Variants in WBP4 observed in about 807,000 individuals in gnomAD.
WBP4 encodes the protein WW domain binding protein 4.
Under a neutral mutation model 55.4 loss-of-function variants are expected in WBP4, and 37 were observed. The ratio of observed to expected loss-of-function variants is 0.67; its 90% CI spans 0.51 to 0.88. The LOEUF is 0.88. WBP4 is among the 40% of genes least tolerant of loss of function. WBP4 has a pLI of 0.00. For synonymous variants in WBP4, 142 were observed against 140.2 expected, an observed-to-expected ratio of 1.01 and a Z score of -0.09; for missense variants, 398 against 420.8, an observed-to-expected ratio of 0.95 and a Z score of 0.47.
chr13:41,079,541 CAAAAAA>C lies in WBP4; in HGVS notation c.757-1089_757-1084del, dbSNP rs35433682. ...TGGGTGACAGAGCAAGACTCCGTCT[CAAAAAA>C]AAAAAAAAAAAAAAATCAGAAAACA... On this transcript the variant is annotated intron_variant, in intron 8 of 9. Coordinates refer to ENST00000379487, the MANE Select transcript of WBP4 (RefSeq NM_007187.5). 4.9e-5 allele frequency among the ~76,000 whole-genome samples: 5 copies of C among 101,698 alleles called. No individual in the cohort carries two copies. The Admixed American group carries it at 5.5e-4, about 11-fold the overall frequency. The allele number at this position is 101,698 out of a possible 152,430, so 66.7% of individuals were successfully genotyped here. A position where few individuals can be genotyped will look rare whatever the true frequency, so the allele number is the denominator to read the frequency against.
rs558799955 is a variant in WBP4, at chr13:41,080,182, T to C, written c.757-464T>C. ...TGACATAATATATACATGTAAGAAA[T>C]ACGCATTTGTGCCCCCTAAGTTATT... On this transcript the variant is annotated intron_variant, in intron 8 of 9. Transcript: ENST00000379487. 1.5e-3 allele frequency among the ~76,000 whole-genome samples: 229 copies of C among 152,246 alleles called. 3 individuals carry two copies. The highest frequency in any genetic ancestry group is 2.6e-3 in the Non-Finnish European group (179 of 68,006).
chr13:41,083,338 A>T lies in WBP4; in HGVS notation c.*424A>T, dbSNP rs1311346828. On this transcript the variant is annotated 3_prime_UTR_variant, in exon 10 of 10. Transcript: ENST00000379487. ...ACGTGAGAATATTCCCAGCCCAGTGATGATTTGGTTCTGAGGCTGATGTGA... is the reference window on the plus strand; with the variant it reads ...ACGTGAGAATATTCCCAGCCCAGTGTTGATTTGGTTCTGAGGCTGATGTGA... 1.8e-5 allele frequency: 3 copies of T among 164,716 alleles called. No homozygotes were observed. In the East Asian group the frequency reaches 5.1e-4, roughly 28 times the overall value. The allele number at this position is 164,716 out of a possible 1,614,324, so 10.2% of individuals were successfully genotyped here.
In WBP4 at chr13:41,068,675, G is replaced by C; in HGVS notation, c.377G>C (p.Gly126Ala). ...AAAAGAAAAAAAGATCCTTCAAAGG[G>C]CAGATGGGTAGAAGGCATAACCTCT... ...KKKRKKDPSK[G>A]RWVEGITSEG... The change falls in exon 5 of 10, where the codon GGC becomes GCC. Residue 126 changes from glycine to alanine, a missense_variant. Gly to Ala is a moderately conservative substitution (Grantham distance 60). Coordinates refer to ENST00000379487, the MANE Select transcript of WBP4 (RefSeq NM_007187.5). 1 of 1,613,532 alleles carries C rather than the reference G, an allele frequency of 6.2e-7. No homozygotes were observed.
At chr13:41,074,260 AT>A (rs1352461642) in intron 7 of WBP4, among the ~76,000 whole-genome samples, 1 of 152,192 alleles carries the variant, frequency 6.6e-6, no homozygotes, top group East Asian at 1.9e-4. Context: ...GTTTCATCTA[AT>A]TTAACATCAT....
rs1396042805 is a variant in WBP4, at chr13:41,071,648, TG to T, written c.486+76del. The stretch of plus-strand genomic sequence containing the variant: ...CGTTTCTTAGGTTTTTGTAGAGTTT[TG>T]CTAAGCAACTTTATTTACAAATACT... On this transcript the variant is annotated intron_variant, in intron 6 of 9. Transcript: ENST00000379487. 8 of 1,404,128 alleles carry T rather than the reference TG, an allele frequency of 5.7e-6. No homozygotes were observed. In the African/African-American group the frequency reaches 1.0e-4, roughly 18 times the overall value. 87.0% of individuals were successfully genotyped at this position (1,404,128 alleles called of 1,614,324 possible). A position where few individuals can be genotyped will look rare whatever the true frequency, so the allele number is the denominator to read the frequency against.
At chr13:41,069,287 AG>A (rs1878123651) in intron 5 of WBP4, among the ~76,000 whole-genome samples, 1 of 151,724 alleles carries the variant, frequency 6.6e-6, no homozygotes, top group African/African-American at 2.4e-5. Flanking sequence ...AGCACTTTTG[AG>A]GGGCCGAGGA....
chr13:41,078,013 ACATCT>A (rs755462499), intron 8 of WBP4, among the ~76,000 whole-genome samples: 76 of 152,216 alleles, frequency 5.0e-4, no homozygotes, highest in African/African-American at 1.5e-3. Flanking sequence ...AAATGAAAAA[ACATCT>A]CATGCTTCTG....
In WBP4 at chr13:41,080,933, T is replaced by G. The variant is rs1878748546; in HGVS notation, c.920+124T>G. On this transcript the variant is annotated intron_variant, in intron 9 of 9. Coordinates refer to ENST00000379487, the MANE Select transcript of WBP4 (RefSeq NM_007187.5). ...ATTAAAAGTATAGCTTGAGGCCAGA[T>G]GCACCCCTGTAATCCCAGCACTTTG... 1.6e-5 allele frequency: 17 copies of G among 1,044,950 alleles called. No homozygotes were observed. In the East Asian group the frequency reaches 4.3e-4, roughly 27 times the overall value. The allele number at this position is 1,044,950 out of a possible 1,614,324, so 64.7% of individuals were successfully genotyped here. A position where few individuals can be genotyped will look rare whatever the true frequency, so the allele number is the denominator to read the frequency against.
chr13:41,063,627 A>G (rs1249646915), intron 2 of WBP4, among the ~76,000 whole-genome samples: 4 of 152,156 alleles, frequency 2.6e-5, no homozygotes, highest in Non-Finnish European at 4.4e-5. Context: ...TGTAAAATGA[A>G]TTTTGTGAGT....
chr13:41,070,903 C>T (rs1284916334), intron 5 of WBP4, among the ~76,000 whole-genome samples: 3 of 152,126 alleles, frequency 2.0e-5, no homozygotes, highest in Non-Finnish European at 2.9e-5. Context: ...ATCATAATTA[C>T]CTTTGGACTA....
chr13:41,074,418 T>C (rs1878388360), intron 7 of WBP4, among the ~76,000 whole-genome samples: 1 of 152,202 alleles, frequency 6.6e-6, no homozygotes, highest in African/African-American at 2.4e-5. Flanking sequence ...TCCAAGTAGA[T>C]ATTTAGCCTG....
intron 8 of WBP4, among the ~76,000 whole-genome samples, chr13:41,079,988 A>G (rs965416706): frequency 1.3e-5 from 2 of 151,104 alleles, no homozygotes; most frequent in Non-Finnish European, 2.9e-5. Flanking sequence ...ACATGTTCTC[A>G]CTTATAAGTG....
intron 8 of WBP4, among the ~76,000 whole-genome samples, chr13:41,079,090 A>G (rs1156831805): frequency 6.6e-6 from 1 of 152,196 alleles, no homozygotes; most frequent in Non-Finnish European, 1.5e-5. Context: ...CAGAATCCGC[A>G]AGGGACTCAA....
At chr13:41,064,940 G>C (rs1877881456) in intron 2 of WBP4, 76 bp from the exon 3 acceptor site, 8 of 1,301,452 alleles carry the variant, frequency 6.1e-6, no homozygotes, top group Non-Finnish European at 8.3e-6. Flanking sequence ...TCATGTTTAT[G>C]AGAAAATTAT....
At position 41,082,652 on chromosome 13, in the gene WBP4, A is replaced by G. The variant is rs903462431; in HGVS notation, c.921-52A>G. Reference sequence around the variant, plus strand: ...TGATCTTGGGGCATTGGTTATATGAAAACGTTTGTCTTACCCTGTCAAATA... The same window carrying G: ...TGATCTTGGGGCATTGGTTATATGAGAACGTTTGTCTTACCCTGTCAAATA... On this transcript the variant is annotated intron_variant, in intron 9 of 9. Coordinates refer to ENST00000379487, the MANE Select transcript of WBP4 (RefSeq NM_007187.5). 3 of 1,559,686 alleles carry G rather than the reference A, an allele frequency of 1.9e-6. No homozygotes were observed. The African/African-American group carries it at 4.1e-5, about 21-fold the overall frequency.
At chr13:41,071,819 G>C (rs1376920761) in intron 6 of WBP4, among the ~76,000 whole-genome samples, 1 of 152,028 alleles carries the variant, frequency 6.6e-6, no homozygotes. Context: ...GAGGCATGTG[G>C]ATCACAAGGT....
At chr13:41,067,214 A>G (rs529198607) in intron 4 of WBP4, among the ~76,000 whole-genome samples, 3 of 152,220 alleles carry the variant, frequency 2.0e-5, no homozygotes, top group East Asian at 3.9e-4. Flanking sequence ...TGGGCTTCCC[A>G]AAGTGCTGGG....
At chr13:41,069,742 G>T (rs1878148029) in intron 5 of WBP4, among the ~76,000 whole-genome samples, 1 of 149,908 alleles carries the variant, frequency 6.7e-6, no homozygotes, top group Non-Finnish European at 1.5e-5. Flanking sequence ...GCCAAGCGAG[G>T]TGGCTCATGC....
intron 8 of WBP4, among the ~76,000 whole-genome samples, chr13:41,080,198 CT>C (rs1425166225): frequency 6.6e-6 from 1 of 152,026 alleles, no homozygotes; most frequent in Non-Finnish European, 1.5e-5. Context: ...TTTGTGCCCC[CT>C]AAGTTATTTT....
Sources: gnomAD v4.1 joint callset for allele counts (sites outside exome capture counted in the v4.1 genomes callset) on GRCh38, gnomAD v4.1.1 for gene constraint, MANE v1.5 for transcripts, NCBI Gene and HGNC (gene_info 2026-07-23, HGNC 2026-07-21) for gene names.